UGT2B17: variants seen among roughly 807,000 people sequenced by gnomAD.
The protein encoded by UGT2B17 is UDP-glucuronosyltransferase 2B17.
Under a neutral mutation model 48.2 loss-of-function variants are expected in UGT2B17, and 21 were observed. The observed-to-expected ratio is 0.44, with a 90% confidence interval of 0.31 to 0.63. The LOEUF (loss-of-function observed/expected upper bound fraction) is 0.63, where lower values mean the gene tolerates loss of function less well. Among genes scored for constraint, UGT2B17 ranks in the 20% least tolerant of loss-of-function variants. UGT2B17 has a pLI of 0.08. For synonymous variants in UGT2B17, 146 were observed against 238.4 expected, an observed-to-expected ratio of 0.61 and a Z score of 3.57; for missense variants, 402 against 696.1, an observed-to-expected ratio of 0.58 and a Z score of 4.75.
rs1730866193 is a variant in UGT2B17 at position 68,548,811 on chromosome 4, T to C, written c.1313+1866A>G. 1.6e-5 allele frequency among the ~76,000 whole-genome samples: 2 copies of C among 124,704 alleles called. 1 individual carries two copies. The highest frequency in any genetic ancestry group is 7.6e-4 in the South Asian group (2 of 2,644). 81.8% of individuals were successfully genotyped at this position (124,704 alleles called of 152,430 possible). A position where few individuals can be genotyped will look rare whatever the true frequency, so the allele number is the denominator to read the frequency against. On this transcript the variant is annotated intron_variant, in intron 6 of 6. Coordinates refer to ENST00000317746, the MANE Select transcript of UGT2B17 (RefSeq NM_001077.4). ...GTGATTTGGCTCTGCTTGTGTATTG[T>C]TGGTGTATAGGAATACTTGTAATTT...
chr4:68,551,096 G>C (rs1489974030), intron 5 of UGT2B17, among the ~76,000 whole-genome samples, 200 bp from the exon 6 acceptor site: 2 of 125,108 alleles, frequency 1.6e-5, no homozygotes, highest in Non-Finnish European at 3.4e-5. Context: ...TACATGAAAA[G>C]GTGGTGGTCT....
chr4:68,558,319 T>G (rs11732705), intron 4 of UGT2B17, among the ~76,000 whole-genome samples: 59,054 of 121,826 alleles, frequency 0.48, 22,812 homozygotes, highest in Middle Eastern at 0.75. Context: ...TTTTCATGGC[T>G]ACACGTCTTC....
rs909303949 is a variant in UGT2B17 at position 68,545,826 on chromosome 4, G to A, written c.1313+4851C>T. On this transcript the variant is annotated intron_variant, in intron 6 of 6. Coordinates refer to ENST00000317746, the MANE Select transcript of UGT2B17 (RefSeq NM_001077.4). ...CGCAAATAAACTAGAAAATCAAGAA[G>A]AAATGGATAAATTCCTCGACACACA... is the stretch of plus-strand genomic sequence containing the variant. Among the ~76,000 whole-genome samples, 5 of 125,834 alleles carry A rather than the reference G, an allele frequency of 4.0e-5. 1 individual carries two copies. Among genetic ancestry groups the A allele is most frequent in the African/African-American group, 1.4e-4 (5 of 36,840 alleles). 82.6% of individuals were successfully genotyped at this position (125,834 alleles called of 152,430 possible).
At chr4:68,566,607 C>T (rs1205310613) in intron 2 of UGT2B17, among the ~76,000 whole-genome samples, 1 of 122,262 alleles carries the variant, frequency 8.2e-6, no homozygotes, top group Non-Finnish European at 1.7e-5. Flanking sequence ...AAGCTTGCTT[C>T]CCCTTAGCCT....
intron 6 of UGT2B17, among the ~76,000 whole-genome samples, chr4:68,545,432 G>A (rs1264131431): frequency 1.6e-5 from 2 of 124,962 alleles, no homozygotes; most frequent in African/African-American, 5.5e-5. Context: ...GCAGTGTGTA[G>A]ATGGAAATTT....
In UGT2B17 at chr4:68,570,442, G is replaced by A. The variant is rs1230154156; in HGVS notation, c.-64-1894C>T. On this transcript the variant is annotated intron_variant, in intron 1 of 6. Transcript: ENST00000317746. Reference sequence around the variant, plus strand: ...TCAGGCAGGCCCAGGCCTGGTTTCAGGCCTGGAGCCAGGCTGCCTGTCTTT... The same window carrying A: ...TCAGGCAGGCCCAGGCCTGGTTTCAAGCCTGGAGCCAGGCTGCCTGTCTTT... Among the ~76,000 whole-genome samples, 3 of 126,638 alleles carry A rather than the reference G, an allele frequency of 2.4e-5. 1 individual carries two copies. Among genetic ancestry groups the A allele is most frequent in the Non-Finnish European group, 5.0e-5 (3 of 59,572 alleles). 83.1% of individuals were successfully genotyped at this position (126,638 alleles called of 152,430 possible). A position where few individuals can be genotyped will look rare whatever the true frequency, so the allele number is the denominator to read the frequency against.
At chr4:68,563,408 G>A (rs373845636) in intron 3 of UGT2B17, among the ~76,000 whole-genome samples, 1 of 126,382 alleles carries the variant, frequency 7.9e-6, no homozygotes, top group Non-Finnish European at 1.7e-5. Flanking sequence ...TCAGGAGTTC[G>A]AGACCAGCCT....
chr4:68,556,253 TA>T lies in UGT2B17; in HGVS notation c.1005+4283del, dbSNP rs1207598705. On this transcript the variant is annotated intron_variant, in intron 4 of 6. Coordinates refer to ENST00000317746, the MANE Select transcript of UGT2B17 (RefSeq NM_001077.4). ...TTTTCTTAAGGGATTGATTTACTCT[TA>T]AAATATTATGAGTTTTTTTTTTTTA... is the stretch of plus-strand genomic sequence containing the variant. Among the ~76,000 whole-genome samples the T allele has an allele frequency of 2.5e-5, 3 of 120,508 alleles. 1 individual carries two copies. Among genetic ancestry groups the T allele is most frequent in the African/African-American group, 8.9e-5 (3 of 33,860 alleles). The allele number at this position is 120,508 out of a possible 152,430, so 79.1% of individuals were successfully genotyped here. A position where few individuals can be genotyped will look rare whatever the true frequency, so the allele number is the denominator to read the frequency against.
chr4:68,563,942 G>A lies in UGT2B17; in HGVS notation c.873+1630C>T, dbSNP rs1168431119. On this transcript the variant is annotated intron_variant, in intron 3 of 6. Transcript: ENST00000317746. ...ACATGTTAGCTAATTTAAAATATTA[G>A]AAATAATGACTAAAATAATAATCAT... is the stretch of plus-strand genomic sequence containing the variant. 7.2e-5 allele frequency among the ~76,000 whole-genome samples: 9 copies of A among 125,422 alleles called. 4 individuals carry two copies. Among genetic ancestry groups the A allele is most frequent in the Non-Finnish European group, 1.5e-4 (9 of 59,526 alleles). The allele number at this position is 125,422 out of a possible 152,430, so 82.3% of individuals were successfully genotyped here. A position where few individuals can be genotyped will look rare whatever the true frequency, so the allele number is the denominator to read the frequency against.
Position 68,538,183 on chromosome 4 carries a change from G to A in UGT2B17, c.1314-279C>T, listed in dbSNP as rs549890991. On this transcript the variant is annotated intron_variant, in intron 6 of 6. Coordinates refer to ENST00000317746, the MANE Select transcript of UGT2B17 (RefSeq NM_001077.4). ...CAGAAAATATTGTGAGCCATTCTAA[G>A]TGCTATAAGTAAGATAGTGGAAATA... Among the ~76,000 whole-genome samples, 6 of 125,710 alleles carry A rather than the reference G, an allele frequency of 4.8e-5. 2 individuals are homozygous for A. The highest frequency in any genetic ancestry group is 1.6e-4 in the Admixed American group (2 of 12,254). 82.5% of individuals were successfully genotyped at this position (125,710 alleles called of 152,430 possible). A position where few individuals can be genotyped will look rare whatever the true frequency, so the allele number is the denominator to read the frequency against.
At chr4:68,560,236 G>A (rs1731078081) in intron 4 of UGT2B17, among the ~76,000 whole-genome samples, 1 of 99,474 alleles carries the variant, frequency 1.0e-5, no homozygotes, top group African/African-American at 3.4e-5. Context: ...CAAATGACAG[G>A]GCAGAATTTA....
rs1465652925 is a variant in UGT2B17, at chr4:68,539,192, C to G, written c.1314-1288G>C. On this transcript the variant is annotated intron_variant, in intron 6 of 6. Coordinates refer to ENST00000317746, the MANE Select transcript of UGT2B17 (RefSeq NM_001077.4). ...TAAACATTATCCAAAAGTGAAAACA[C>G]CAATTTATCACAAACTGCATAGAAG... Among the ~76,000 whole-genome samples, 12 of 125,858 alleles carry G rather than the reference C, an allele frequency of 9.5e-5. 2 individuals are homozygous for G. The highest frequency in any genetic ancestry group is 3.2e-4 in the African/African-American group (12 of 37,064). 82.6% of individuals were successfully genotyped at this position (125,858 alleles called of 152,430 possible).
Position 68,546,100 on chromosome 4 carries a change from A to G in UGT2B17, c.1313+4577T>C, listed in dbSNP as rs1192483723. The stretch of plus-strand genomic sequence containing the variant: ...GAGGCCAACATCATCCTGATACCAA[A>G]GCCTGGCAGGGACACAAGAAAAAAA... On this transcript the variant is annotated intron_variant, in intron 6 of 6. Coordinates refer to ENST00000317746, the MANE Select transcript of UGT2B17 (RefSeq NM_001077.4). 2.4e-5 allele frequency among the ~76,000 whole-genome samples: 3 copies of G among 125,946 alleles called. 1 individual carries two copies. Among genetic ancestry groups the G allele is most frequent in the African/African-American group, 8.1e-5 (3 of 36,858 alleles). 82.6% of individuals were successfully genotyped at this position (125,946 alleles called of 152,430 possible). A position where few individuals can be genotyped will look rare whatever the true frequency, so the allele number is the denominator to read the frequency against.
chr4:68,559,959 A>C lies in UGT2B17; in HGVS notation c.1005+578T>G, dbSNP rs1346962151. 6.3e-5 allele frequency among the ~76,000 whole-genome samples: 8 copies of C among 127,536 alleles called. 1 individual carries two copies. The highest frequency in any genetic ancestry group is 1.0e-4 in the Non-Finnish European group (6 of 59,970). The allele number at this position is 127,536 out of a possible 152,430, so 83.7% of individuals were successfully genotyped here. A position where few individuals can be genotyped will look rare whatever the true frequency, so the allele number is the denominator to read the frequency against. The stretch of plus-strand genomic sequence containing the variant: ...TCTAAATCTACTTGGCTAGGTGGGT[A>C]CCTCCAGAGCAGTGGCTAGTCAGAC... On this transcript the variant is annotated intron_variant, in intron 4 of 6. Coordinates refer to ENST00000317746, the MANE Select transcript of UGT2B17 (RefSeq NM_001077.4).
In UGT2B17 at chr4:68,575,305, T is replaced by A. The variant is rs1228995892; in HGVS notation, c.-65+646A>T. Among the ~76,000 whole-genome samples, 7 of 120,532 alleles carry A rather than the reference T, an allele frequency of 5.8e-5. 2 individuals are homozygous for A. Among genetic ancestry groups the A allele is most frequent in the African/African-American group, 2.0e-4 (7 of 34,916 alleles). The allele number at this position is 120,532 out of a possible 152,430, so 79.1% of individuals were successfully genotyped here. A position where few individuals can be genotyped will look rare whatever the true frequency, so the allele number is the denominator to read the frequency against. On this transcript the variant is annotated intron_variant, in intron 1 of 6. Transcript: ENST00000317746. ...AGGGGTCTAAAACCAGCTGTAACTG[T>A]CTATGTACAGAACCTGGTCTGGGTG...
At chr4:68,575,730 C>G (rs1438415688) in intron 1 of UGT2B17, among the ~76,000 whole-genome samples, 1 of 126,522 alleles carries the variant, frequency 7.9e-6, no homozygotes, top group Non-Finnish European at 1.7e-5. Flanking sequence ...CAATTCAAGT[C>G]AAGTCAAAAC....
chr4:68,555,174 A>G (rs567457886), intron 4 of UGT2B17, among the ~76,000 whole-genome samples: 1 of 126,234 alleles, frequency 7.9e-6, no homozygotes, highest in African/African-American at 2.7e-5. Flanking sequence ...TTTTGTTTGC[A>G]TTTATTAATC....
At position 68,553,658 on chromosome 4, in the gene UGT2B17, A is replaced by G. The variant is rs573510139; in HGVS notation, c.1006-1747T>C. Among the ~76,000 whole-genome samples the G allele has an allele frequency of 2.9e-4, 37 of 126,124 alleles. 8 individuals are homozygous for G. Among genetic ancestry groups the G allele is most frequent in the Non-Finnish European group, 4.5e-4 (27 of 59,486 alleles). The allele number at this position is 126,124 out of a possible 152,430, so 82.7% of individuals were successfully genotyped here. A position where few individuals can be genotyped will look rare whatever the true frequency, so the allele number is the denominator to read the frequency against. On this transcript the variant is annotated intron_variant, in intron 4 of 6. Transcript: ENST00000317746. ...TAATGGCAGACGAGTTACAAAGTAG[A>G]GGGTGGCTGAGTACAGTTTACTGGA...
rs1474196620 is a variant in UGT2B17, at chr4:68,540,803, A to G, written c.1314-2899T>C. Among the ~76,000 whole-genome samples the G allele has an allele frequency of 3.2e-5, 4 of 123,766 alleles. 1 individual carries two copies. The highest frequency in any genetic ancestry group is 5.1e-5 in the Non-Finnish European group (3 of 58,796). The allele number at this position is 123,766 out of a possible 152,430, so 81.2% of individuals were successfully genotyped here. A position where few individuals can be genotyped will look rare whatever the true frequency, so the allele number is the denominator to read the frequency against. On this transcript the variant is annotated intron_variant, in intron 6 of 6. Coordinates refer to ENST00000317746, the MANE Select transcript of UGT2B17 (RefSeq NM_001077.4). ...GTCCTGATACTCTCACTCCCATTCC[A>G]TGCCCCGAATGGCCCCGGTGTGTTT...
Sources: gnomAD v4.1 joint callset for allele counts (sites outside exome capture counted in the v4.1 genomes callset) on GRCh38, gnomAD v4.1.1 for gene constraint, MANE v1.5 for transcripts, NCBI Gene and HGNC (gene_info 2026-07-23, HGNC 2026-07-21) for gene names.